Variants in GPC5 observed in about 807,000 individuals in gnomAD.
GPC5 encodes the protein glypican 5.
In GPC5, 47 loss-of-function variants were observed where a neutral mutation model predicts 53.9. That is an observed-to-expected ratio of 0.87 (90% CI 0.69 to 1.11). The LOEUF (loss-of-function observed/expected upper bound fraction) is 1.11. Ranked by LOEUF, GPC5 falls within the 50% of genes most tolerant of loss-of-function variation. GPC5 has a pLI of 0.00. For synonymous variants in GPC5, 286 were observed against 263.3 expected, an observed-to-expected ratio of 1.09 and a Z score of -0.84; for missense variants, 748 against 713.1, an observed-to-expected ratio of 1.05 and a Z score of -0.56.
intron 6 of GPC5, among the ~76,000 whole-genome samples, chr13:91,927,220 T>C (rs1476287561): frequency 3.3e-5 from 5 of 152,170 alleles, no homozygotes; most frequent in African/African-American, 1.2e-4. Context: ...CCATTTGTAT[T>C]CTAATTATTT....
intron 7 of GPC5, among the ~76,000 whole-genome samples, chr13:92,821,278 A>G (rs566393929): frequency 1.4e-4 from 21 of 152,212 alleles, no homozygotes; most frequent in Admixed American, 2.0e-4. Flanking sequence ...GATTTCTAGG[A>G]CTTCAGGCAA....
At chr13:91,632,224 C>T (rs2034175102) in intron 2 of GPC5, among the ~76,000 whole-genome samples, 1 of 152,068 alleles carries the variant, frequency 6.6e-6, no homozygotes, top group Non-Finnish European at 1.5e-5. Flanking sequence ...GTAAAATGAT[C>T]ATAGAATCGT....
At chr13:91,692,149 T>G (rs541648096) in intron 2 of GPC5, among the ~76,000 whole-genome samples, 1 of 152,292 alleles carries the variant, frequency 6.6e-6, no homozygotes, top group South Asian at 2.1e-4. Context: ...TGACTTGAGA[T>G]CATCAGTTAT....
chr13:91,599,260 C>A (rs1270614292), intron 2 of GPC5, among the ~76,000 whole-genome samples: 1 of 152,074 alleles, frequency 6.6e-6, no homozygotes, highest in Non-Finnish European at 1.5e-5. Flanking sequence ...GGCTAAATGT[C>A]AGTCTTTCCC....
chr13:92,099,154 A>G (rs541000285), intron 6 of GPC5, among the ~76,000 whole-genome samples: 3 of 152,122 alleles, frequency 2.0e-5, no homozygotes, highest in African/African-American at 7.2e-5. Context: ...ATTTTTAGGT[A>G]AGTTTCATTA....
intron 7 of GPC5, among the ~76,000 whole-genome samples, chr13:92,565,970 G>C (rs1466496872): frequency 6.6e-6 from 1 of 151,952 alleles, no homozygotes; most frequent in Non-Finnish European, 1.5e-5. Flanking sequence ...AATGTATTCA[G>C]TATTGTTTAT....
At chr13:91,590,367 T>C (rs1418073292) in intron 2 of GPC5, among the ~76,000 whole-genome samples, 1 of 152,074 alleles carries the variant, frequency 6.6e-6, no homozygotes, top group Non-Finnish European at 1.5e-5. Flanking sequence ...CATTCGATTT[T>C]CTTCACCTAT....
At chr13:92,514,221 A>C (rs550212855) in intron 7 of GPC5, among the ~76,000 whole-genome samples, 27 of 143,916 alleles carry the variant, frequency 1.9e-4, no homozygotes, top group Admixed American at 1.8e-3. Context: ...AACACACACT[A>C]TTTTAATATA....
At chr13:92,099,294 T>C (rs2041446697) in intron 6 of GPC5, among the ~76,000 whole-genome samples, 1 of 152,178 alleles carries the variant, frequency 6.6e-6, no homozygotes, top group African/African-American at 2.4e-5. Context: ...AAATTATGTG[T>C]AAAGCTATCC....
intron 6 of GPC5, among the ~76,000 whole-genome samples, chr13:92,040,265 C>T (rs935028351): frequency 6.6e-6 from 1 of 152,158 alleles, no homozygotes; most frequent in African/African-American, 2.4e-5. Context: ...CTCTGGTTTC[C>T]TCTCTCAGCC....
chr13:91,902,762 GT>G (rs1397997197), intron 5 of GPC5, among the ~76,000 whole-genome samples: 1 of 151,922 alleles, frequency 6.6e-6, no homozygotes, highest in African/African-American at 2.4e-5. Flanking sequence ...TAGAAACCAT[GT>G]TTTTTTGCAT....
At chr13:91,783,159 C>G (rs1019987336) in intron 5 of GPC5, among the ~76,000 whole-genome samples, 1 of 151,986 alleles carries the variant, frequency 6.6e-6, no homozygotes, top group African/African-American at 2.4e-5. Flanking sequence ...AAGGCTGAGA[C>G]AGGAGAATTG....
At chr13:92,330,532 A>G (rs1424821313) in intron 7 of GPC5, among the ~76,000 whole-genome samples, 1 of 152,182 alleles carries the variant, frequency 6.6e-6, no homozygotes, top group African/African-American at 2.4e-5. Context: ...TTGCAGAAAT[A>G]TATAAAAATA....
intron 6 of GPC5, among the ~76,000 whole-genome samples, chr13:92,125,053 C>T (rs2041683829): frequency 6.6e-6 from 1 of 152,180 alleles, no homozygotes; most frequent in African/African-American, 2.4e-5. Flanking sequence ...CTCTTGCTGG[C>T]ATTCCCTCTT....
chr13:92,242,638 T>TA (rs762998509), intron 7 of GPC5, among the ~76,000 whole-genome samples: 16 of 152,152 alleles, frequency 1.1e-4, no homozygotes, highest in Non-Finnish European at 1.8e-4. Flanking sequence ...AAACCTAAAC[T>TA]AGTCCCATTT....
intron 7 of GPC5, among the ~76,000 whole-genome samples, chr13:92,521,523 G>A (rs1364611206): frequency 6.6e-6 from 1 of 152,122 alleles, no homozygotes; most frequent in Non-Finnish European, 1.5e-5. Flanking sequence ...ACAAGAAATG[G>A]GGAAAGGATT....
At chr13:91,454,548 T>C (rs1281861246) in intron 2 of GPC5, among the ~76,000 whole-genome samples, 2 of 152,124 alleles carry the variant, frequency 1.3e-5, no homozygotes, top group Admixed American at 6.6e-5. Flanking sequence ...GCTAGATGAA[T>C]TGACATTTAA....
chr13:92,774,797 T>C (rs1875739533), intron 7 of GPC5, among the ~76,000 whole-genome samples: 1 of 152,190 alleles, frequency 6.6e-6, no homozygotes, highest in Non-Finnish European at 1.5e-5. Context: ...TTAATATTTA[T>C]CAATTGGGCA....
chr13:91,733,796 C>T (rs970094283), intron 4 of GPC5, among the ~76,000 whole-genome samples: 48 of 152,200 alleles, frequency 3.2e-4, no homozygotes, highest in African/African-American at 1.1e-3. Context: ...TAATACCTGT[C>T]TTCCCATCTG....
Sources: allele counts gnomAD v4.1 joint callset (sites outside exome capture counted in the v4.1 genomes callset), GRCh38; gene constraint gnomAD v4.1.1; transcripts MANE v1.5; gene names NCBI Gene and HGNC (gene_info 2026-07-23, HGNC 2026-07-21).